Variants in EIF3B observed in about 807,000 individuals in gnomAD.
The protein encoded by EIF3B is eukaryotic translation initiation factor 3 subunit 9.
In EIF3B, 10 loss-of-function variants were observed where a neutral mutation model predicts 104.6. That is an observed-to-expected ratio of 0.10 (90% CI 0.06 to 0.16). The LOEUF (loss-of-function observed/expected upper bound fraction) is 0.16. Ranked by LOEUF, EIF3B falls within the 10% of genes least tolerant of loss-of-function variation. The pLI, the probability that EIF3B is intolerant of heterozygous loss-of-function variation, is 1.00. For synonymous variants in EIF3B, 542 were observed against 417.2 expected (o/e 1.30, Z -3.65); for missense variants, 1,014 against 1,087.9 (o/e 0.93, Z 0.96).
chr7:2,362,254 C>G (rs1229212753), intron 2 of EIF3B, among the ~76,000 whole-genome samples: 2 of 152,096 alleles, frequency 1.3e-5, no homozygotes, highest in African/African-American at 4.8e-5. Flanking sequence ...ACCATTGCGC[C>G]CAGCCAAGAT....
chr7:2,357,149 T>C (rs1488880066), intron 1 of EIF3B, among the ~76,000 whole-genome samples: 9 of 152,254 alleles, frequency 5.9e-5, no homozygotes, highest in Admixed American at 3.3e-4. Flanking sequence ...AAAGCATTAT[T>C]TGAGCCCATC....
chr7:2,355,490 T>C (rs894973430), intron 1 of EIF3B, 70 bp downstream of exon 1: 14 of 1,393,928 alleles, frequency 1.0e-5, no homozygotes, highest in Non-Finnish European at 1.2e-5. Context: ...GTGGGAGATA[T>C]CGTCGGGCTG....
chr7:2,379,175 G>A lies in EIF3B; in HGVS notation c.2274G>A (p.Arg758=), dbSNP rs555971142. 5 of 1,613,940 alleles carry A rather than the reference G, an allele frequency of 3.1e-6. No individual in the cohort carries two copies. In the Admixed American group the frequency reaches 6.7e-5, roughly 22 times the overall value. Reference sequence around the variant, plus strand: ...GGCGCACCATGATGGAAGATTTCCGGAAGTACCGGAAAATGGCCCAGGAGC... The same window carrying A: ...GGCGCACCATGATGGAAGATTTCCGAAAGTACCGGAAAATGGCCCAGGAGC... The part of the protein sequence containing the change: ...ERRRTMMEDF[R]KYRKMAQELY... Residue 758 remains arginine (R), a synonymous_variant, in exon 17 of 19, where the codon CGG becomes CGA. Transcript: ENST00000360876.
At chr7:2,361,150 A>G (rs1393956744) in intron 2 of EIF3B, among the ~76,000 whole-genome samples, 1 of 152,212 alleles carries the variant, frequency 6.6e-6, no homozygotes, top group Non-Finnish European at 1.5e-5. Flanking sequence ...TGGCTTATGC[A>G]TAAACTCCCA....
intron 8 of EIF3B, 85 bp downstream of exon 8, chr7:2,366,676 G>T: frequency 6.8e-7 from 1 of 1,473,254 alleles, no homozygotes; most frequent in South Asian, 1.2e-5. Flanking sequence ...TGTGCTAGAA[G>T]AGGAGGAGGA....
At chr7:2,371,889 A>G (rs1416072942) in intron 11 of EIF3B, 40 bp downstream of exon 11, 1 of 1,522,034 alleles carries the variant, frequency 6.6e-7, no homozygotes. Flanking sequence ...AATGGGGCCT[A>G]CGTGCTGTTT....
intron 16 of EIF3B, 93 bp downstream of exon 16, chr7:2,378,859 G>T: frequency 8.7e-7 from 1 of 1,150,662 alleles, no homozygotes; most frequent in Non-Finnish European, 1.3e-6. Flanking sequence ...TGTGCTCAGA[G>T]TTGCCTCTGC....
intron 17 of EIF3B, 25 bp downstream of exon 17, chr7:2,379,267 C>A (rs1228721161): frequency 6.3e-7 from 1 of 1,599,562 alleles, no homozygotes; most frequent in Non-Finnish European, 8.5e-7. Context: ...CCTCAGTCCC[C>A]AGGAGCTGGC....
At chr7:2,375,607 G>A (rs1780587202) in intron 14 of EIF3B, 80 bp downstream of exon 14, 2 of 1,589,224 alleles carry the variant, frequency 1.3e-6, no homozygotes, top group Admixed American at 1.7e-5. Context: ...GTGCTGTCCT[G>A]GGACCTCAGG....
rs754796959 is a variant in EIF3B, at chr7:2,362,770, T to A, written c.812+6T>A. On this transcript the variant is annotated splice_donor_region_variant and intron_variant, in intron 3 of 18. Coordinates refer to ENST00000360876, the MANE Select transcript of EIF3B (RefSeq NM_001037283.2). ...CTCTTTACGGATTTTGACAAGTGAG[T>A]TCAGACTTGGCCACAAGGAAGTGGA... The A allele has an allele frequency of 2.5e-6, 4 of 1,614,044 alleles. No individual in the cohort carries two copies. The highest frequency in any genetic ancestry group is 3.4e-6 in the Non-Finnish European group (4 of 1,180,002).
rs1159088721 is a variant in EIF3B, at chr7:2,360,849, G to A, written c.639G>A (p.Lys213=). 1.9e-6 allele frequency: 3 copies of A among 1,613,898 alleles called. No individual in the cohort carries two copies. Among genetic ancestry groups the A allele is most frequent in the Admixed American group, 1.7e-5 (1 of 59,996 alleles). Residue 213 remains lysine (K), a synonymous_variant, in exon 2 of 19, where the codon AAG becomes AAA. Coordinates refer to ENST00000360876, the MANE Select transcript of EIF3B (RefSeq NM_001037283.2). The part of the protein sequence containing the change: ...LKNVIHKIFS[K]FGKITNDFYP... Reference sequence around the variant, plus strand: ...ATGTCATCCACAAGATCTTTTCCAAGTTTGGGAAAATCACAAATGATTTTT... The same window carrying A: ...ATGTCATCCACAAGATCTTTTCCAAATTTGGGAAAATCACAAATGATTTTT...
chr7:2,364,847 A>G (rs1249789050), intron 6 of EIF3B, among the ~76,000 whole-genome samples: 1 of 152,224 alleles, frequency 6.6e-6, no homozygotes, highest in Non-Finnish European at 1.5e-5. Context: ...TTTACCATTC[A>G]TTTAATACTT....
At chr7:2,354,621 T>G (rs1331613164), upstream of EIF3B, among the ~76,000 whole-genome samples, 3 of 151,812 alleles carry the variant, frequency 2.0e-5, no homozygotes, top group Non-Finnish European at 4.4e-5. Context: ...ACACATGGGG[T>G]GGTCAATGCT....
At chr7:2,359,348 A>C (rs1446214358) in intron 1 of EIF3B, among the ~76,000 whole-genome samples, 1 of 152,046 alleles carries the variant, frequency 6.6e-6, no homozygotes, top group Non-Finnish European at 1.5e-5. Context: ...TGCCACCCAG[A>C]AGGAAGAGGG....
intron 9 of EIF3B, among the ~76,000 whole-genome samples, chr7:2,367,451 C>T (rs1264640498): frequency 6.6e-6 from 1 of 151,466 alleles, no homozygotes; most frequent in Non-Finnish European, 1.5e-5. Flanking sequence ...CCTTTATTTG[C>T]TGTCTCTCCT....
chr7:2,354,933 G>A lies in EIF3B; in HGVS notation c.12G>A (p.Ala4=), dbSNP rs1415509975. 6 of 1,230,232 alleles carry A rather than the reference G, an allele frequency of 4.9e-6. No homozygotes were observed. The highest frequency in any genetic ancestry group is 6.1e-6 in the Non-Finnish European group (6 of 978,378). The allele number at this position is 1,230,232 out of a possible 1,614,324, so 76.2% of individuals were successfully genotyped here. ...GCAGCGTTGGGCCCATGCAGGACGC[G>A]GAGAACGTGGCGGTGCCCGAGGCGG... is the stretch of plus-strand genomic sequence containing the variant. MQD[A]ENVAVPEAAE... The change falls in exon 1 of 19, where the codon GCG becomes GCA. Residue 4 remains alanine, a synonymous_variant. Transcript: ENST00000360876.
At chr7:2,363,285 C>T (rs1268703947) in intron 4 of EIF3B, among the ~76,000 whole-genome samples, 158 bp downstream of exon 4, 2 of 151,924 alleles carry the variant, frequency 1.3e-5, no homozygotes, top group East Asian at 1.9e-4. Flanking sequence ...AGACCCCCGC[C>T]TCTACAAAAA....
At chr7:2,378,879 A>C in intron 16 of EIF3B, 113 bp downstream of exon 16, 1 of 984,458 alleles carries the variant, frequency 1.0e-6, no homozygotes, top group Middle Eastern at 2.2e-4. Context: ...CTCCGAAGAC[A>C]CTGGTTCTGT....
At chr7:2,364,062 C>T (rs1316670799) in intron 5 of EIF3B, among the ~76,000 whole-genome samples, 2 of 152,102 alleles carry the variant, frequency 1.3e-5, no homozygotes, top group Non-Finnish European at 2.9e-5. Context: ...GAGATTGAGA[C>T]CATCCTGGCT....
Sources: gnomAD v4.1 joint callset for allele counts (sites outside exome capture counted in the v4.1 genomes callset) on GRCh38, gnomAD v4.1.1 for gene constraint, MANE v1.5 for transcripts, NCBI Gene and HGNC (gene_info 2026-07-23, HGNC 2026-07-21) for gene names.